The following STAG1 variants were observed in gnomAD, a reference collection of about 807,000 sequenced individuals.
The protein encoded by STAG1 is cohesin subunit SA-1.
A neutral mutation model predicts 170.9 loss-of-function variants in STAG1; 26 were observed. The ratio of observed to expected loss-of-function variants is 0.15; its 90% CI spans 0.11 to 0.21. STAG1 has a LOEUF of 0.21. STAG1 is among the 10% of genes least tolerant of loss of function. The pLI is 1.00. For synonymous variants in STAG1, 514 were observed against 497.7 expected (o/e 1.03, Z -0.44); for missense variants, 964 against 1,509.5 (o/e 0.64, Z 5.99).
chr3:136,344,381 AATAAAGGGCCT>A (rs1227065100), intron 29 of STAG1, among the ~76,000 whole-genome samples: 1 of 152,108 alleles, frequency 6.6e-6, no homozygotes, highest in Non-Finnish European at 1.5e-5. Flanking sequence ...TTGTTCAAGC[AATAAAGGGCCT>A]ATTTCCTGGG....
chr3:136,564,603 G>A (rs1936981085), intron 5 of STAG1, among the ~76,000 whole-genome samples: 1 of 152,106 alleles, frequency 6.6e-6, no homozygotes, highest in African/African-American at 2.4e-5. Context: ...AAGACAGTGT[G>A]CTTTCTTTAT....
rs566921554 is a variant in STAG1, at chr3:136,531,566, A to C, written c.472-10149T>G. ...AAAATGTGGCACATATACACCATGG[A>C]ATACTATTGCAGCCATAAAAATGAT... On this transcript the variant is annotated intron_variant, in intron 6 of 33. Transcript: ENST00000383202. Among the ~76,000 whole-genome samples, 371 of 151,828 alleles carry C rather than the reference A, an allele frequency of 2.4e-3. 2 individuals are homozygous for C. Among genetic ancestry groups the C allele is most frequent in the African/African-American group, 8.3e-3 (345 of 41,368 alleles).
At chr3:136,485,756 T>G (rs536467356) in intron 9 of STAG1, among the ~76,000 whole-genome samples, 1 of 152,232 alleles carries the variant, frequency 6.6e-6, no homozygotes, top group Non-Finnish European at 1.5e-5. Flanking sequence ...TTGTTTTACA[T>G]AAATATTATC....
At chr3:136,504,212 T>C (rs1933640883) in intron 7 of STAG1, among the ~76,000 whole-genome samples, 3 of 152,070 alleles carry the variant, frequency 2.0e-5, no homozygotes, top group Admixed American at 6.5e-5. Context: ...TAAACCAAAA[T>C]ATAAGGTAAA....
At chr3:136,565,297 G>A (rs537416881) in intron 5 of STAG1, among the ~76,000 whole-genome samples, 7 of 152,200 alleles carry the variant, frequency 4.6e-5, no homozygotes, top group African/African-American at 1.4e-4. Context: ...CTTGATAAAG[G>A]TTTGGTATCC....
intron 14 of STAG1, among the ~76,000 whole-genome samples, chr3:136,444,278 T>C (rs2088714485): frequency 6.6e-6 from 1 of 152,180 alleles, no homozygotes; most frequent in African/African-American, 2.4e-5. Flanking sequence ...TTCACCACGT[T>C]GGCCAGACTG....
intron 9 of STAG1, among the ~76,000 whole-genome samples, chr3:136,491,328 A>T (rs955182613): frequency 6.6e-6 from 1 of 152,144 alleles, no homozygotes; most frequent in Non-Finnish European, 1.5e-5. Flanking sequence ...CTGGTGAAGT[A>T]TCTGACACTA....
At chr3:136,413,469 T>A (rs75208555) in intron 21 of STAG1, among the ~76,000 whole-genome samples, 13,536 of 151,480 alleles carry the variant, frequency 0.089, 1,954 homozygotes, top group African/African-American at 0.31. Context: ...TATTATTATT[T>A]TTTTTTGAGA....
At chr3:136,430,018 G>A (rs1055179652) in intron 16 of STAG1, 8 of 152,122 alleles carry the variant, frequency 5.3e-5, no homozygotes, top group African/African-American at 1.7e-4. Flanking sequence ...TTATTGGTAG[G>A]CTATAGTAGT....
chr3:136,731,038 C>G (rs1255831080), intron 1 of STAG1, among the ~76,000 whole-genome samples: 2 of 152,170 alleles, frequency 1.3e-5, no homozygotes, highest in Non-Finnish European at 2.9e-5. Context: ...ACTTTAAGAA[C>G]CACTGGGCTA....
At chr3:136,728,175 A>T (rs1933796875) in intron 1 of STAG1, among the ~76,000 whole-genome samples, 1 of 152,134 alleles carries the variant, frequency 6.6e-6, no homozygotes, top group Non-Finnish European at 1.5e-5. Context: ...AAAATCAAAA[A>T]CAAAAAAACA....
intron 6 of STAG1, among the ~76,000 whole-genome samples, chr3:136,536,133 G>T (rs768013287): frequency 6.6e-6 from 1 of 151,970 alleles, no homozygotes; most frequent in Non-Finnish European, 1.5e-5. Flanking sequence ...ATATACTTTG[G>T]CTTCATGAGT....
At chr3:136,727,777 T>C (rs901572383) in intron 1 of STAG1, among the ~76,000 whole-genome samples, 7 of 152,200 alleles carry the variant, frequency 4.6e-5, no homozygotes, top group Admixed American at 3.9e-4. Flanking sequence ...AAAATAATCA[T>C]ATTATTATTA....
At chr3:136,734,854 G>A (rs770219300) in intron 1 of STAG1, among the ~76,000 whole-genome samples, 6 of 152,108 alleles carry the variant, frequency 3.9e-5, no homozygotes, top group Non-Finnish European at 7.3e-5. Context: ...AGGATATCCT[G>A]CCATTCGTGA....
chr3:136,704,110 G>C (rs577293949), intron 1 of STAG1, among the ~76,000 whole-genome samples: 2 of 149,940 alleles, frequency 1.3e-5, no homozygotes, highest in Admixed American at 6.6e-5. Context: ...GAGTGCAGTG[G>C]TGCGATCTCG....
intron 4 of STAG1, among the ~76,000 whole-genome samples, chr3:136,571,607 C>T (rs1460067750): frequency 6.6e-6 from 1 of 152,116 alleles, no homozygotes; most frequent in African/African-American, 2.4e-5. Context: ...CAGTGACTTG[C>T]ACCTGTAATT....
chr3:136,615,115 T>G (rs1939519214), intron 3 of STAG1, among the ~76,000 whole-genome samples: 1 of 152,036 alleles, frequency 6.6e-6, no homozygotes, highest in African/African-American at 2.4e-5. Context: ...TGGGACTTCA[T>G]GAACTCATAA....
intron 25 of STAG1, among the ~76,000 whole-genome samples, chr3:136,366,024 T>G (rs1229525137): frequency 1.3e-5 from 2 of 151,888 alleles, no homozygotes; most frequent in African/African-American, 4.8e-5. Flanking sequence ...TCCTCTCACT[T>G]AAGTCTCTCT....
chr3:136,555,495 C>T (rs1381956186), intron 5 of STAG1, among the ~76,000 whole-genome samples: 1 of 151,956 alleles, frequency 6.6e-6, no homozygotes, highest in African/African-American at 2.4e-5. Flanking sequence ...ACCAGCCTGG[C>T]CAATATGGTG....
Sources: allele counts gnomAD v4.1 joint callset (sites outside exome capture counted in the v4.1 genomes callset), GRCh38; gene constraint gnomAD v4.1.1; transcripts MANE v1.5; gene names NCBI Gene and HGNC (gene_info 2026-07-23, HGNC 2026-07-21).